Variants in SYNE1 observed in about 807,000 individuals in gnomAD.
SYNE1 encodes the protein nesprin-1.
Under a neutral mutation model 1,111.0 loss-of-function variants are expected in SYNE1, and 616 were observed. That is an observed-to-expected ratio of 0.55 (90% CI 0.52 to 0.59). SYNE1 has a LOEUF of 0.59. Among genes scored for constraint, SYNE1 ranks in the 20% least tolerant of loss-of-function variants. The pLI, the probability that SYNE1 is intolerant of heterozygous loss-of-function variation, is 0.00. For synonymous variants in SYNE1, 3,855 were observed against 3,825.8 expected (o/e 1.01, Z -0.28); for missense variants, 10,006 against 10,417.0 (o/e 0.96, Z 1.72).
intron 77 of SYNE1, 49 bp downstream of exon 77, chr6:152,333,959 G>A (rs2096314154): frequency 6.2e-7 from 1 of 1,612,900 alleles, no homozygotes; most frequent in African/African-American, 1.3e-5. Context: ...TAGATATTAA[G>A]AAATGTCTGG....
chr6:152,570,028 T>C (rs555766137), intron 3 of SYNE1, among the ~76,000 whole-genome samples: 35 of 152,352 alleles, frequency 2.3e-4, no homozygotes, highest in African/African-American at 7.9e-4. Context: ...ATTTAGTTTC[T>C]GAAATAATTT....
At position 152,451,288 on chromosome 6, in the gene SYNE1, C is replaced by A. The variant is rs199667954; in HGVS notation, c.3028-83G>T. ...CCAATTGAAGTGGCAAAAAAAAAAA[C>A]AAAAACCATAACATATTCCTTTTAG... is the stretch of plus-strand genomic sequence containing the variant. On this transcript the variant is annotated intron_variant, in intron 25 of 145. Coordinates refer to ENST00000367255, the MANE Select transcript of SYNE1 (RefSeq NM_182961.4). 2.1e-5 allele frequency: 27 copies of A among 1,282,180 alleles called. No individual in the cohort carries two copies. The highest frequency in any genetic ancestry group is 4.8e-5 in the East Asian group (2 of 41,392). The allele number at this position is 1,282,180 out of a possible 1,614,324, so 79.4% of individuals were successfully genotyped here. A position where few individuals can be genotyped will look rare whatever the true frequency, so the allele number is the denominator to read the frequency against.
At chr6:152,216,969 AG>A (rs2078859514) in intron 121 of SYNE1, among the ~76,000 whole-genome samples, 1 of 151,790 alleles carries the variant, frequency 6.6e-6, no homozygotes, top group Admixed American at 6.6e-5. Flanking sequence ...AGGCTGAGGC[AG>A]GAGAATTGCT....
rs189669439 is a variant in SYNE1 at position 152,153,481 on chromosome 6, T to A, written c.24130-1340A>T. Among the ~76,000 whole-genome samples the A allele has an allele frequency of 1.7e-3, 258 of 152,336 alleles. 2 individuals are homozygous for A. The highest frequency in any genetic ancestry group is 5.9e-3 in the African/African-American group (246 of 41,578). On this transcript the variant is annotated intron_variant, in intron 133 of 145. Transcript: ENST00000367255. ...AATTCATGATAAATAATAAAATCAA[T>A]CATTATAGAAGCTAACTATAAGGCT...
At position 152,310,873 on chromosome 6, in the gene SYNE1, T is replaced by C. The variant is rs781391785; in HGVS notation, c.16711A>G (p.Thr5571Ala). Reference protein sequence around the residue: ...QLREQYILHQTLLEESKEIDS... With the variant: ...QLREQYILHQALLEESKEIDS... ...ATTTCTTTGGATTCTTCTAGCAGGG[T>C]CTAGAGTGAATTGTCAATATTCATG... The change falls in exon 88 of 146, where the codon ACC becomes GCC. Residue 5571 changes from threonine (T) to alanine (A), a missense_variant and splice_region_variant. Coordinates refer to ENST00000367255, the MANE Select transcript of SYNE1 (RefSeq NM_182961.4). 6.2e-7 allele frequency: 1 copy of C among 1,613,452 alleles called. No individual in the cohort carries two copies. Among genetic ancestry groups the C allele is most frequent in the Non-Finnish European group, 8.5e-7 (1 of 1,179,818 alleles).
At position 152,330,764 on chromosome 6, in the gene SYNE1, G is replaced by A. The variant is rs760266135; in HGVS notation, c.13921C>T (p.Leu4641Phe). Residue 4641 changes from leucine (L) to phenylalanine (F), a missense_variant, in exon 78 of 146, where the codon CTC becomes TTC. By Grantham distance (22) the Leu-to-Phe change is conservative (BLOSUM62 0). Transcript: ENST00000367255. ...PSLNEVDHSYLSEKLNALPRQ... is the reference protein window; with the variant it reads ...PSLNEVDHSYFSEKLNALPRQ... ...GGCAAAGCATTTAGCTTTTCACTGAGGTAGGAATGATCGACTTCATTCAGC... is the reference window on the plus strand; with the variant it reads ...GGCAAAGCATTTAGCTTTTCACTGAAGTAGGAATGATCGACTTCATTCAGC... 3.1e-6 allele frequency: 5 copies of A among 1,613,816 alleles called. No homozygotes were observed. The East Asian group carries it at 8.9e-5, about 29-fold the overall frequency.
Position 152,628,262 on chromosome 6 carries a change from T to C in SYNE1, c.67+3A>G. The C allele has an allele frequency of 1.2e-6, 2 of 1,614,088 alleles. No homozygotes were observed. Among genetic ancestry groups the C allele is most frequent in the Non-Finnish European group, 1.7e-6 (2 of 1,179,990 alleles). ...TTTAAAACCTGAAATTTCTTCCCCC[T>C]ACCTTGCAGCCTCTGCATCACATTG... is the stretch of plus-strand genomic sequence containing the variant. On this transcript the variant is annotated splice_donor_region_variant and intron_variant, in intron 3 of 145. Transcript: ENST00000367255.
Position 152,326,122 on chromosome 6 carries a change from A to G in SYNE1, c.15294-20T>C. 1 of 1,614,070 alleles carries G rather than the reference A, an allele frequency of 6.2e-7. No homozygotes were observed. Among genetic ancestry groups the G allele is most frequent in the Non-Finnish European group, 8.5e-7 (1 of 1,180,026 alleles). On this transcript the variant is annotated intron_variant, in intron 79 of 145. Transcript: ENST00000367255. ...GTGCATCTTGAAAGAGTCCAACAGA[A>G]ACTGATAAGTAGCACGAAATCACGT...
At chr6:152,561,916 A>C (rs1225241784) in intron 3 of SYNE1, among the ~76,000 whole-genome samples, 1 of 152,216 alleles carries the variant, frequency 6.6e-6, no homozygotes, top group Non-Finnish European at 1.5e-5. Context: ...AACTCAAGAC[A>C]GATTAAAGAT....
chr6:152,395,097 C>T (rs502950), intron 51 of SYNE1, among the ~76,000 whole-genome samples: 36,464 of 121,124 alleles, frequency 0.3, 4,628 homozygotes, highest in East Asian at 0.57. Flanking sequence ...CTCTTTTTTT[C>T]TTTTTTTTAT....
rs1173906140 is a variant in SYNE1, at chr6:152,230,700, G to T, written c.21042C>A (p.Ile7014=). The change falls in exon 115 of 146, where the codon ATC becomes ATA. Residue 7014 remains isoleucine, a splice_region_variant and synonymous_variant. Transcript: ENST00000367255. ...QILQGLVTEK[I]QLLEGLLESW... The stretch of plus-strand genomic sequence containing the variant: ...ATTCCAATAAGCCTTCCAACAGCTG[G>T]ATCTGAACAAACACAATAAAATGAA... 1.2e-6 allele frequency: 2 copies of T among 1,613,736 alleles called. No individual in the cohort carries two copies. The highest frequency in any genetic ancestry group is 2.2e-5 in the East Asian group (1 of 44,832).
intron 101 of SYNE1, among the ~76,000 whole-genome samples, chr6:152,261,019 G>C (rs541729489): frequency 6.6e-6 from 1 of 152,082 alleles, no homozygotes; most frequent in African/African-American, 2.4e-5. Flanking sequence ...GGCAGGTTGC[G>C]CCTGCTTTCT....
intron 142 of SYNE1, 172 bp downstream of exon 142, chr6:152,134,932 T>C (rs1723254185): frequency 4.0e-6 from 3 of 750,020 alleles, no homozygotes; most frequent in Non-Finnish European, 6.4e-6. Context: ...TATGCACATG[T>C]TTGCTTTACA....
intron 66 of SYNE1, among the ~76,000 whole-genome samples, chr6:152,356,243 TC>T (rs2096836180): frequency 6.6e-6 from 1 of 151,874 alleles, no homozygotes; most frequent in South Asian, 2.1e-4. Flanking sequence ...GTGGCTGCAT[TC>T]CAATAATATT....
chr6:152,266,081 G>T (rs2092673368), intron 100 of SYNE1, among the ~76,000 whole-genome samples: 1 of 152,118 alleles, frequency 6.6e-6, no homozygotes, highest in South Asian at 2.1e-4. Flanking sequence ...TAAAGGTGAA[G>T]TTTCTTAAAA....
In SYNE1 at chr6:152,502,517, C is replaced by G. The variant is rs916374571; in HGVS notation, c.888+116G>C. ...CCATTTGGTGATAGCTTTTTAAAAT[C>G]AGTTGGTCTCATATTAAAATGCATT... is the stretch of plus-strand genomic sequence containing the variant. On this transcript the variant is annotated intron_variant, in intron 10 of 145. Transcript: ENST00000367255. The G allele has an allele frequency of 3.8e-6, 3 of 793,412 alleles. No individual in the cohort carries two copies. The African/African-American group carries it at 5.1e-5, about 14-fold the overall frequency. 49.1% of individuals were successfully genotyped at this position (793,412 alleles called of 1,614,324 possible). A position where few individuals can be genotyped will look rare whatever the true frequency, so the allele number is the denominator to read the frequency against.
intron 64 of SYNE1, among the ~76,000 whole-genome samples, chr6:152,361,919 C>T (rs951457384): frequency 6.6e-6 from 1 of 151,102 alleles, no homozygotes; most frequent in African/African-American, 2.4e-5. Context: ...CATGGTGCTA[C>T]ATTTTAAATG....
chr6:152,584,511 A>G (rs1435656564), intron 3 of SYNE1, among the ~76,000 whole-genome samples: 2 of 152,094 alleles, frequency 1.3e-5, no homozygotes, highest in Non-Finnish European at 2.9e-5. Context: ...TGGCGCTGTC[A>G]GACCTCACTG....
At chr6:152,176,058 A>G (rs1022540626) in intron 130 of SYNE1, among the ~76,000 whole-genome samples, 1 of 150,150 alleles carries the variant, frequency 6.7e-6, no homozygotes, top group Non-Finnish European at 1.5e-5. Flanking sequence ...AACACTCTCC[A>G]CAAATACTGG....
Sources: gnomAD v4.1 joint callset for allele counts (sites outside exome capture counted in the v4.1 genomes callset) on GRCh38, gnomAD v4.1.1 for gene constraint, MANE v1.5 for transcripts, NCBI Gene and HGNC (gene_info 2026-07-23, HGNC 2026-07-21) for gene names.